The following ACRBP variants were observed in gnomAD, a reference collection of about 807,000 sequenced individuals.
ACRBP encodes the protein acrosin binding protein.
In ACRBP, 52 loss-of-function variants were observed where a neutral mutation model predicts 69.0. The observed-to-expected ratio is 0.75, with a 90% CI of 0.60 to 0.95. The LOEUF is 0.95. ACRBP is among the 40% of genes least tolerant of loss of function. The pLI is 0.00. For missense variants in ACRBP, 604 were observed against 673.0 expected, an observed-to-expected ratio of 0.90 and a Z score of 1.13; for synonymous variants, 267 against 258.9, an observed-to-expected ratio of 1.03 and a Z score of -0.30.
At chr12:6,642,560 A>T (rs1949060626) in intron 6 of ACRBP, among the ~76,000 whole-genome samples, 1 of 152,150 alleles carries the variant, frequency 6.6e-6, no homozygotes. Context: ...CAGTCACAGA[A>T]AATCTGTTTC....
In ACRBP at chr12:6,646,552, A is replaced by G; in HGVS notation, c.288T>C (p.Tyr96=). 1.2e-6 allele frequency: 2 copies of G among 1,614,142 alleles called. No individual in the cohort carries two copies. Residue 96 remains tyrosine (Y), a synonymous_variant, in exon 3 of 10, where the codon TAT becomes TAC. Transcript: ENST00000229243. The part of the protein sequence containing the change: ...PDGAVCSNLP[Y]ASWFESFCQF... ...GGCAGAAAGACTCAAACCAGGAGGC[A>G]TAAGGGAGGTTGGAGCAGACAGCAC...
rs140086255 is a variant in ACRBP, at chr12:6,641,721, A to G, written c.1078-1199T>C. On this transcript the variant is annotated intron_variant, in intron 6 of 9. Transcript: ENST00000229243. ...CCTTAAGAGCAGAAACAGTATGCTC[A>G]TTGTTAGCATACTAATTTCACTCAT... 4.6e-5 allele frequency among the ~76,000 whole-genome samples: 7 copies of G among 152,226 alleles called. No homozygotes were observed. In the South Asian group the frequency reaches 1.0e-3, roughly 23 times the overall value.
rs765011108 is a variant in ACRBP, at chr12:6,645,286, C to T, written c.409G>A (p.Glu137Lys). 3.1e-6 allele frequency: 5 copies of T among 1,613,740 alleles called. No homozygotes were observed. The highest frequency in any genetic ancestry group is 4.2e-6 in the Non-Finnish European group (5 of 1,179,956). The stretch of plus-strand genomic sequence containing the variant: ...GAGACTTCAGCTGAAGCTTCTATCT[C>T]CTTGAGAGTGTTAGGTGAGAGAATA... ...VSILSPNTLKEIEASAEVSPT... is the reference protein window; with the variant it reads ...VSILSPNTLKKIEASAEVSPT... The change falls in exon 4 of 10, where the codon GAG becomes AAG. Residue 137 changes from glutamate (E) to lysine (K), a missense_variant. Physicochemically the swap from Glu to Lys is moderately conservative, Grantham distance 56. Around this residue, in one of 3 missense-constraint regions of ACRBP, gnomAD observed 532 missense variants for 562.9 expected, o/e 0.95. Transcript: ENST00000229243.
chr12:6,644,588 A>C lies in ACRBP; in HGVS notation c.493T>G (p.Phe165Val). The C allele has an allele frequency of 6.2e-7, 1 of 1,613,092 alleles. No individual in the cohort carries two copies. Among genetic ancestry groups the C allele is most frequent in the Non-Finnish European group, 8.5e-7 (1 of 1,179,498 alleles). Residue 165 changes from phenylalanine to valine, a missense_variant, in exon 5 of 10, where the codon TTC becomes GTC. Phe to Val is a conservative substitution (Grantham distance 50). Transcript: ENST00000229243. The part of the protein sequence containing the change: ...PHFTVTERQT[F>V]QPWPERLSNN... ...CTGAGCCTCTCAGGCCAGGGCTGGA[A>C]GGTCTGGCGTTCTGTCACTACAGCA... is the stretch of plus-strand genomic sequence containing the variant.
chr12:6,647,428 G>A lies in ACRBP; in HGVS notation c.-62C>T, dbSNP rs1411811843. ...GCCGCCTCTAACGGGCCAAGCCGCA[G>A]AGAGAGCCGCAGGCGCGGGGCGGGG... On this transcript the variant is annotated 5_prime_UTR_variant, in exon 1 of 10. Coordinates refer to ENST00000229243, the MANE Select transcript of ACRBP (RefSeq NM_032489.3). 56 of 1,456,228 alleles carry A rather than the reference G, an allele frequency of 3.8e-5. No individual in the cohort carries two copies. The highest frequency in any genetic ancestry group is 7.3e-6 in the Non-Finnish European group (8 of 1,093,712). The allele number at this position is 1,456,228 out of a possible 1,614,324, so 90.2% of individuals were successfully genotyped here.
At chr12:6,645,662 T>G (rs1949082069) in intron 3 of ACRBP, among the ~76,000 whole-genome samples, 1 of 28,380 alleles carries the variant, frequency 3.5e-5, no homozygotes, top group African/African-American at 1.1e-4. Context: ...GGTTTGTTTT[T>G]TTTGTTTTTT....
Position 6,638,126 on chromosome 12 carries a change from A to G in ACRBP, c.*156T>C. ...ATCTTTTAAGGAGGGCGCAGCTCCCACCGTGGCCCTCTCTGGGACTGTTGC... is the reference window on the plus strand; with the variant it reads ...ATCTTTTAAGGAGGGCGCAGCTCCCGCCGTGGCCCTCTCTGGGACTGTTGC... On this transcript the variant is annotated 3_prime_UTR_variant, in exon 10 of 10. Coordinates refer to ENST00000229243, the MANE Select transcript of ACRBP (RefSeq NM_032489.3). The G allele has an allele frequency of 9.8e-7, 1 of 1,015,888 alleles. No individual in the cohort carries two copies. Among genetic ancestry groups the G allele is most frequent in the Non-Finnish European group, 1.4e-6 (1 of 692,362 alleles). The allele number at this position is 1,015,888 out of a possible 1,614,324, so 62.9% of individuals were successfully genotyped here.
chr12:6,647,131 G>T, intron 1 of ACRBP, 119 bp from the exon 2 acceptor site: 1 of 1,117,618 alleles, frequency 8.9e-7, no homozygotes, highest in Non-Finnish European at 1.3e-6. Context: ...CTGCTGACCA[G>T]GGCGGGGGGA....
rs1185677027 is a variant in ACRBP at position 6,640,430 on chromosome 12, G to A, written c.1170C>T (p.Ser390=). The A allele has an allele frequency of 2.5e-6, 4 of 1,614,194 alleles. No homozygotes were observed. The highest frequency in any genetic ancestry group is 3.4e-6 in the Non-Finnish European group (4 of 1,180,026). ...LKLEQCHSEA[S]LQRQQCDTSH... The stretch of plus-strand genomic sequence containing the variant: ...AGGTGTCGCATTGTTGCCGCTGCAG[G>A]CTGGCCTCTGAGTGGCACTGCTCCA... The change falls in exon 7 of 10, where the codon AGC becomes AGT. Residue 390 remains serine, a synonymous_variant. Transcript: ENST00000229243. This position sits in a 1 kb window ranked among gnomAD's most constrained non-coding sequence, Gnocchi z 5.3.
rs1419365592 is a variant in ACRBP, at chr12:6,646,727, G to GAA, written c.262+66_262+67insTT. On this transcript the variant is annotated intron_variant, in intron 2 of 9. Coordinates refer to ENST00000229243, the MANE Select transcript of ACRBP (RefSeq NM_032489.3). ...CTTCCCCGCCTCACATGAGCACAGGGGTTTTTGCCCTGAGGTTTGGGTGAA... is the reference window on the plus strand; with the variant it reads ...CTTCCCCGCCTCACATGAGCACAGGGAAGTTTTTGCCCTGAGGTTTGGGTGAA... 4.4e-6 allele frequency: 7 copies of GAA among 1,585,368 alleles called. No individual in the cohort carries two copies. In the East Asian group the frequency reaches 1.1e-4, roughly 25 times the overall value.
At chr12:6,641,166 A>T (rs1037266590) in intron 6 of ACRBP, among the ~76,000 whole-genome samples, 1 of 152,208 alleles carries the variant, frequency 6.6e-6, no homozygotes, top group African/African-American at 2.4e-5. Flanking sequence ...CTATCCAAGT[A>T]CCTGGGTTGG....
In ACRBP at chr12:6,640,734, C is replaced by A. The variant is rs1949046399; in HGVS notation, c.1078-212G>T. The stretch of plus-strand genomic sequence containing the variant: ...ACCCTCTTCCTGGATGATTTATCTA[C>A]TCCTAGGTAATCATCTATCTGCGAG... On this transcript the variant is annotated intron_variant, in intron 6 of 9. Transcript: ENST00000229243. The surrounding 1 kb of genome is among the most constrained non-coding windows in gnomAD (Gnocchi z 5.3). Among the ~76,000 whole-genome samples, 1 of 152,186 alleles carries A rather than the reference C, an allele frequency of 6.6e-6. No individual in the cohort carries two copies. Among genetic ancestry groups the A allele is most frequent in the Non-Finnish European group, 1.5e-5 (1 of 68,032 alleles).
At chr12:6,645,363 A>C in intron 3 of ACRBP, 26 bp from the exon 4 acceptor site, 1 of 1,565,190 alleles carries the variant, frequency 6.4e-7, no homozygotes, top group South Asian at 1.1e-5. Context: ...GAAAATGGGA[A>C]AGCCTTTCCT....
chr12:6,638,807 T>G, intron 9 of ACRBP, 147 bp downstream of exon 9: 3 of 1,492,874 alleles, frequency 2.0e-6, no homozygotes, highest in Non-Finnish European at 2.7e-6. Context: ...GAGGAGAGCC[T>G]GCTGGTGGAG....
Position 6,644,545 on chromosome 12 carries a change from A to C in ACRBP, c.536T>G (p.Leu179Arg). 6.2e-7 allele frequency: 1 copy of C among 1,613,878 alleles called. No homozygotes were observed. The highest frequency in any genetic ancestry group is 1.1e-5 in the South Asian group (1 of 91,082). Reference sequence around the variant, plus strand: ...TCCCAGGGACAAGGAGGATTGTAGGAGCTCTTCCACGTTGTTGCTGAGCCT... The same window carrying C: ...TCCCAGGGACAAGGAGGATTGTAGGCGCTCTTCCACGTTGTTGCTGAGCCT... ...PERLSNNVEE[L>R]LQSSLSLGGQ... The change falls in exon 5 of 10, where the codon CTC becomes CGC. Residue 179 changes from leucine (L) to arginine (R), a missense_variant. By Grantham distance (102) the Leu-to-Arg change is moderately radical. This residue lies in a region of ACRBP where 532 missense variants were observed against 562.9 expected (regional missense o/e 0.95). Coordinates refer to ENST00000229243, the MANE Select transcript of ACRBP (RefSeq NM_032489.3).
chr12:6,646,181 A>G (rs1317597945), intron 3 of ACRBP, among the ~76,000 whole-genome samples: 2 of 142,194 alleles, frequency 1.4e-5, no homozygotes, highest in East Asian at 2.0e-4. Flanking sequence ...CATGTTGGCC[A>G]GGCTGGTCTC....
Position 6,640,030 on chromosome 12 carries a change from T to C in ACRBP, c.1425+30A>G, listed in dbSNP as rs1171386621. The C allele has an allele frequency of 5.6e-6, 9 of 1,612,478 alleles. No homozygotes were observed. In the East Asian group the frequency reaches 2.0e-4, roughly 36 times the overall value. On this transcript the variant is annotated intron_variant, in intron 8 of 9. Coordinates refer to ENST00000229243, the MANE Select transcript of ACRBP (RefSeq NM_032489.3). This position sits in a 1 kb window ranked among gnomAD's most constrained non-coding sequence, Gnocchi z 5.3. ...GGAAGGAATGGGGTGAGGGTAGGGA[T>C]GGGGCTGAGCTTTGGGGAAAGGTTC...
rs763691389 is a variant in ACRBP, at chr12:6,646,837, G to A, written c.219C>T (p.Leu73=). The change falls in exon 2 of 10, where the codon CTC becomes CTT. Residue 73 remains leucine, a synonymous_variant. Coordinates refer to ENST00000229243, the MANE Select transcript of ACRBP (RefSeq NM_032489.3). ...RATHGCRNPT[L]VQLDQYENHG... is the part of the protein sequence containing the mutation. ...GGTTTTCATATTGGTCCAGCTGGACGAGTGTGGGATTCCGGCAGCCGTGGG... is the reference window on the plus strand; with the variant it reads ...GGTTTTCATATTGGTCCAGCTGGACAAGTGTGGGATTCCGGCAGCCGTGGG... The A allele has an allele frequency of 3.0e-5, 49 of 1,614,148 alleles. No individual in the cohort carries two copies. In the East Asian group the frequency reaches 1.0e-3, roughly 34 times the overall value.
Position 6,646,958 on chromosome 12 carries a change from G to A in ACRBP, c.98C>T (p.Thr33Ile), listed in dbSNP as rs923273215. 2.5e-6 allele frequency: 4 copies of A among 1,613,298 alleles called. No homozygotes were observed. In the African/African-American group the frequency reaches 5.3e-5, roughly 22 times the overall value. Reference sequence around the variant, plus strand: ...GGTAGGAGAGAGAGGGCTGCCTGGAGTGGAGGCCTGAGTCGAATCCTGGGC... The same window carrying A: ...GGTAGGAGAGAGAGGGCTGCCTGGAATGGAGGCCTGAGTCGAATCCTGGGC... ...AAAQDSTQAS[T>I]PGSPLSPTEY... The change falls in exon 2 of 10, where the codon ACT (threonine) becomes ATT (isoleucine). Residue 33 changes from threonine to isoleucine, a missense_variant. By Grantham distance (89) the Thr-to-Ile change is moderately conservative. Around this residue, in one of 3 missense-constraint regions of ACRBP, gnomAD observed 532 missense variants for 562.9 expected, o/e 0.95. Transcript: ENST00000229243.
Sources: gnomAD v4.1 joint callset for allele counts (sites outside exome capture counted in the v4.1 genomes callset) on GRCh38, gnomAD v4.1.1 for gene constraint, gnomAD v4.1.1 regional missense constraint, Gnocchi (gnomAD v3.1) non-coding constraint, MANE v1.5 for transcripts, NCBI Gene and HGNC (gene_info 2026-07-23, HGNC 2026-07-21) for gene names.